The following CDK14 variants were observed in gnomAD, a reference collection of about 807,000 sequenced individuals.
CDK14 encodes the protein cyclin-dependent kinase 14.
CDK14 carries 34 observed loss-of-function variants against 60.7 expected under a neutral mutation model. That is an observed-to-expected ratio of 0.56 (90% CI 0.43 to 0.75). The LOEUF (loss-of-function observed/expected upper bound fraction) is 0.75, where lower values mean the gene tolerates loss of function less well. Among genes scored for constraint, CDK14 ranks in the 30% least tolerant of loss-of-function variants. CDK14 has a pLI of 0.00. For missense variants in CDK14, 482 were observed against 564.1 expected, an observed-to-expected ratio of 0.85 and a Z score of 1.47; for synonymous variants, 197 against 203.7, an observed-to-expected ratio of 0.97 and a Z score of 0.28.
chr7:90,947,072 C>T (rs935480111), intron 8 of CDK14, among the ~76,000 whole-genome samples: 18 of 152,176 alleles, frequency 1.2e-4, no homozygotes, highest in African/African-American at 3.6e-4. Flanking sequence ...ATTTCCTTAA[C>T]GATTTTCTCT....
chr7:90,874,263 T>A (rs1010867949), intron 6 of CDK14, among the ~76,000 whole-genome samples: 20 of 152,270 alleles, frequency 1.3e-4, no homozygotes, highest in Admixed American at 1.1e-3. Flanking sequence ...TTTGAAAATA[T>A]CTTTATTCGG....
At chr7:91,005,821 G>A (rs1203329486) in intron 10 of CDK14, among the ~76,000 whole-genome samples, 1 of 152,228 alleles carries the variant, frequency 6.6e-6, no homozygotes, top group African/African-American at 2.4e-5. Context: ...GTAAAACAGA[G>A]GCCTGTGAGG....
chr7:90,630,711 A>C (rs183501347), intron 2 of CDK14, among the ~76,000 whole-genome samples: 2 of 152,174 alleles, frequency 1.3e-5, no homozygotes, highest in Admixed American at 1.3e-4. Flanking sequence ...GTGTGTGTAC[A>C]TACAAATTTA....
At chr7:90,796,334 T>A (rs1788429740) in intron 5 of CDK14, among the ~76,000 whole-genome samples, 1 of 152,182 alleles carries the variant, frequency 6.6e-6, no homozygotes, top group South Asian at 2.1e-4. Flanking sequence ...AAATTATGGG[T>A]TTATTAGATG....
chr7:90,937,839 G>A (rs1418932785), intron 8 of CDK14, among the ~76,000 whole-genome samples: 1 of 152,114 alleles, frequency 6.6e-6, no homozygotes, highest in Non-Finnish European at 1.5e-5. Context: ...CAATGAGCTG[G>A]TAATAAAGCA....
chr7:90,860,201 G>A (rs1790957489), intron 5 of CDK14, among the ~76,000 whole-genome samples: 1 of 149,784 alleles, frequency 6.7e-6, no homozygotes, highest in Admixed American at 6.7e-5. Flanking sequence ...TGATAGGATG[G>A]GCTACTTGCA....
chr7:91,002,796 G>A (rs557532707), intron 10 of CDK14, among the ~76,000 whole-genome samples: 8 of 152,206 alleles, frequency 5.3e-5, no homozygotes, highest in South Asian at 2.1e-4. Flanking sequence ...AGATGTGGCC[G>A]GGCCCGGTGG....
intron 4 of CDK14, among the ~76,000 whole-genome samples, chr7:90,781,864 T>A (rs2116933579): frequency 6.6e-6 from 1 of 152,300 alleles, no homozygotes; most frequent in East Asian, 1.9e-4. Context: ...GCCTCCAGCT[T>A]TGTTCTTTTG....
chr7:91,109,302 C>G (rs1799407451), intron 12 of CDK14, among the ~76,000 whole-genome samples: 1 of 152,108 alleles, frequency 6.6e-6, no homozygotes, highest in Non-Finnish European at 1.5e-5. Context: ...CAACCATATA[C>G]TTACACTGTC....
At chr7:90,707,404 T>C (rs1161209759) in intron 2 of CDK14, among the ~76,000 whole-genome samples, 1 of 152,114 alleles carries the variant, frequency 6.6e-6, no homozygotes, top group East Asian at 1.9e-4. Flanking sequence ...TTCAGGGCCT[T>C]GTCTGAAACA....
rs77369609 is a variant in CDK14, at chr7:90,696,267, C to T, written c.124-30300C>T. Among the ~76,000 whole-genome samples, 1,367 of 150,964 alleles carry T rather than the reference C, an allele frequency of 9.1e-3. 29 individuals carry two copies. Among genetic ancestry groups the T allele is most frequent in the African/African-American group, 0.029 (1,192 of 41,074 alleles). Reference sequence around the variant, plus strand: ...GGCTCATATTGAGATGGGGGAATATCGGAAGGAGGAGCAAGGTTTTTGAGA... The same window carrying T: ...GGCTCATATTGAGATGGGGGAATATTGGAAGGAGGAGCAAGGTTTTTGAGA... On this transcript the variant is annotated intron_variant, in intron 2 of 14. Transcript: ENST00000380050.
intron 9 of CDK14, among the ~76,000 whole-genome samples, chr7:90,982,930 C>A (rs1795269769): frequency 6.6e-6 from 1 of 152,024 alleles, no homozygotes; most frequent in Non-Finnish European, 1.5e-5. Flanking sequence ...TACGAGCAGC[C>A]AACAAACATA....
In CDK14 at chr7:91,078,411, A is replaced by G. The variant is rs888594722; in HGVS notation, c.1106-1021A>G. On this transcript the variant is annotated intron_variant, in intron 11 of 14. Transcript: ENST00000380050. ...CACCTGAGGTCAGGAATTCGAGACCAGCCTGGCCAGCATGATGACACCCTG... is the reference window on the plus strand; with the variant it reads ...CACCTGAGGTCAGGAATTCGAGACCGGCCTGGCCAGCATGATGACACCCTG... Among the ~76,000 whole-genome samples the G allele has an allele frequency of 2.0e-5, 3 of 152,228 alleles. No homozygotes were observed. In the East Asian group the frequency reaches 5.8e-4, roughly 29 times the overall value.
chr7:91,181,748 G>A (rs1278537063), intron 14 of CDK14, among the ~76,000 whole-genome samples: 1 of 152,104 alleles, frequency 6.6e-6, no homozygotes, highest in Non-Finnish European at 1.5e-5. Flanking sequence ...ACCAATGGGA[G>A]ACTCTTCAAG....
At chr7:90,658,637 T>C (rs1471810975) in intron 2 of CDK14, among the ~76,000 whole-genome samples, 2 of 152,214 alleles carry the variant, frequency 1.3e-5, no homozygotes, top group Admixed American at 6.5e-5. Flanking sequence ...ATCAGTGCTT[T>C]CTTTTTATGG....
chr7:90,861,692 A>G (rs1791015271), intron 5 of CDK14, among the ~76,000 whole-genome samples: 1 of 152,200 alleles, frequency 6.6e-6, no homozygotes, highest in Non-Finnish European at 1.5e-5. Context: ...GAAATGAAAA[A>G]GAAACAAGAC....
chr7:91,082,486 T>G (rs1376192456), intron 12 of CDK14, among the ~76,000 whole-genome samples: 1 of 152,154 alleles, frequency 6.6e-6, no homozygotes, highest in East Asian at 1.9e-4. Context: ...GGATTTCTCC[T>G]AAGAACTTAT....
At chr7:90,685,547 T>TAGCTTACTGTAGCCTC (rs1331598306) in intron 2 of CDK14, among the ~76,000 whole-genome samples, 1 of 152,004 alleles carries the variant, frequency 6.6e-6, no homozygotes, top group African/African-American at 2.4e-5. Flanking sequence ...GGCACTGTCA[T>TAGCTTACTGTAGCCTC]AGCTTACTGT....
chr7:91,154,103 A>G (rs958220484), intron 14 of CDK14, among the ~76,000 whole-genome samples: 1 of 152,150 alleles, frequency 6.6e-6, no homozygotes, highest in Admixed American at 6.6e-5. Context: ...TTTTGATTTT[A>G]ACATTTTTCC....
Sources: gnomAD v4.1 joint callset for allele counts (sites outside exome capture counted in the v4.1 genomes callset) on GRCh38, gnomAD v4.1.1 for gene constraint, MANE v1.5 for transcripts, NCBI Gene and HGNC (gene_info 2026-07-23, HGNC 2026-07-21) for gene names.